Variants in UGT2B4 observed in about 807,000 individuals in gnomAD.
The protein encoded by UGT2B4 is UDP glucuronosyltransferase family 2 member B4.
In UGT2B4, 49 loss-of-function variants were observed where a neutral mutation model predicts 49.8. The ratio of observed to expected loss-of-function variants is 0.98; its 90% CI spans 0.78 to 1.25. UGT2B4 has a LOEUF of 1.25. Among genes scored for constraint, UGT2B4 ranks in the 50% most tolerant of loss-of-function variants. The pLI, the probability that UGT2B4 is intolerant of heterozygous loss-of-function variation, is 0.00. For synonymous variants in UGT2B4, 246 were observed against 217.7 expected (o/e 1.13, Z -1.14); for missense variants, 729 against 627.7 (o/e 1.16, Z -1.73).
At chr4:69,498,566 A>G (rs1560437670), upstream of UGT2B4, among the ~76,000 whole-genome samples, 1 of 148,582 alleles carries the variant, frequency 6.7e-6, no homozygotes, top group South Asian at 2.1e-4. Context: ...AGAACTTGTT[A>G]TAGGTCTCAT....
chr4:69,484,425 A>G (rs1727702584), intron 5 of UGT2B4, among the ~76,000 whole-genome samples: 1 of 152,346 alleles, frequency 6.6e-6, no homozygotes, highest in East Asian at 1.9e-4. Flanking sequence ...TACCCATATT[A>G]TAAAATATAT....
At chr4:69,500,480 AAAAG>A (rs1218418870), upstream of UGT2B4, among the ~76,000 whole-genome samples, 2 of 149,802 alleles carry the variant, frequency 1.3e-5, no homozygotes, top group Admixed American at 1.3e-4. Context: ...AGAAAGGAAG[AAAAG>A]AAAGAAAGCA....
rs188861931 is a variant in UGT2B4, at chr4:69,486,638, T to C, written c.1061A>G (p.Tyr354Cys). The change falls in exon 4 of 6, where the codon TAC (tyrosine) becomes TGC (cysteine). Residue 354 changes from tyrosine to cysteine, a missense_variant. Transcript: ENST00000305107. ...PDTLGLNTRL[Y>C]KWIPQNDLLG... ...AAGATCATTCTGGGGTATCCACTTG[T>C]ACAGCCGAGTATTGAGTCCTAAAGT... 3.3e-5 allele frequency: 53 copies of C among 1,608,104 alleles called. No individual in the cohort carries two copies. Among genetic ancestry groups the C allele is most frequent in the African/African-American group, 6.7e-5 (5 of 74,664 alleles).
upstream of UGT2B4, among the ~76,000 whole-genome samples, chr4:69,500,012 T>C (rs1728259750): frequency 6.6e-6 from 1 of 152,196 alleles, no homozygotes; most frequent in African/African-American, 2.4e-5. Flanking sequence ...CCATCAATGA[T>C]AGACTGGATA....
In UGT2B4 at chr4:69,480,770, G is replaced by T. The variant is rs1488737253; in HGVS notation, c.1451C>A (p.Thr484Asn). 2 of 1,614,030 alleles carry T rather than the reference G, an allele frequency of 1.2e-6. No homozygotes were observed. The highest frequency in any genetic ancestry group is 4.5e-5 in the East Asian group (2 of 44,876). ...KHLRVAAHDL[T>N]WFQYHSLDVT... ...ATCCAAAGAGTGGTACTGGAACCAG[G>T]TGAGGTCGTGGGCTGCAACCCGAAG... The change falls in exon 6 of 6, where the codon ACC becomes AAC. Residue 484 changes from threonine to asparagine, a missense_variant. Transcript: ENST00000305107.
intron 1 of UGT2B4, among the ~76,000 whole-genome samples, chr4:69,524,595 ATT>A (rs1728929700): frequency 6.6e-6 from 1 of 152,154 alleles, no homozygotes; most frequent in Non-Finnish European, 1.5e-5. Context: ...CTTTATGAAA[ATT>A]AGCAAAATGT....
At position 69,485,424 on chromosome 4, in the gene UGT2B4, T is replaced by C. The variant is rs754063772; in HGVS notation, c.1094A>G (p.His365Arg). 4 of 1,613,566 alleles carry C rather than the reference T, an allele frequency of 2.5e-6. No individual in the cohort carries two copies. Among genetic ancestry groups the C allele is most frequent in the Admixed American group, 1.7e-5 (1 of 59,942 alleles). Residue 365 changes from histidine (H) to arginine (R), a missense_variant, in exon 5 of 6, where the codon CAC (histidine) becomes CGC (arginine). Coordinates refer to ENST00000305107, the MANE Select transcript of UGT2B4 (RefSeq NM_021139.3). ...AGTTATAAAAGCTCTGGTTTTTGGG[T>C]GACCTAGGATTGGATGAATTTTAGC... ...KWIPQNDLLGHPKTRAFITHG... is the reference protein window; with the variant it reads ...KWIPQNDLLGRPKTRAFITHG...
chr4:69,490,112 T>C (rs1483874565), intron 2 of UGT2B4, among the ~76,000 whole-genome samples: 1 of 152,118 alleles, frequency 6.6e-6, no homozygotes, highest in Non-Finnish European at 1.5e-5. Context: ...TTAAAGTTTG[T>C]CAGAGTTTTC....
intron 4 of UGT2B4, among the ~76,000 whole-genome samples, chr4:69,485,918 G>T (rs574375791): frequency 6.6e-6 from 1 of 152,074 alleles, no homozygotes; most frequent in East Asian, 1.9e-4. Context: ...AAACAGCCAT[G>T]CCCAGTTAAT....
At chr4:69,499,039 T>C (rs896777050), upstream of UGT2B4, among the ~76,000 whole-genome samples, 2 of 152,280 alleles carry the variant, frequency 1.3e-5, no homozygotes, top group East Asian at 3.9e-4. Flanking sequence ...TTTAGCCGCA[T>C]CTCAGAGATT....
intron 1 of UGT2B4, among the ~76,000 whole-genome samples, chr4:69,507,814 C>T (rs566007110): frequency 8.8e-4 from 134 of 152,088 alleles, no homozygotes; most frequent in African/African-American, 3.0e-3. Flanking sequence ...TATTTCATGA[C>T]GAAACTCCAA....
rs569273279 is a variant in UGT2B4 at position 69,517,737 on chromosome 4, G to A, written c.-106+7950C>T. On this transcript the variant is annotated intron_variant, in intron 1 of 1. Coordinates refer to the UGT2B4 transcript ENST00000510114. ...AAAAGTTAAAATCGTGGAGCCACAAGTTAAAAAAGATGGACAGCATTGTAT... is the reference window on the plus strand; with the variant it reads ...AAAAGTTAAAATCGTGGAGCCACAAATTAAAAAAGATGGACAGCATTGTAT... 3 of 163,968 alleles carry A rather than the reference G, an allele frequency of 1.8e-5. No homozygotes were observed. The East Asian group carries it at 5.8e-4, about 32-fold the overall frequency. 10.2% of individuals were successfully genotyped at this position (163,968 alleles called of 1,614,324 possible).
chr4:69,506,916 C>T (rs900336176), intron 1 of UGT2B4, among the ~76,000 whole-genome samples: 7 of 152,146 alleles, frequency 4.6e-5, no homozygotes, highest in Non-Finnish European at 1.0e-4. Flanking sequence ...AAGGTTGACT[C>T]AGCCTACGGA....
intron 5 of UGT2B4, 74 bp downstream of exon 5, chr4:69,485,134 A>G: frequency 6.6e-7 from 1 of 1,523,580 alleles, no homozygotes; most frequent in Non-Finnish European, 9.0e-7. Flanking sequence ...TATAAAAAGG[A>G]TAAAAGTCAT....
upstream of UGT2B4, among the ~76,000 whole-genome samples, chr4:69,500,423 AC>A (rs1308436502): frequency 6.6e-6 from 1 of 151,836 alleles, no homozygotes; most frequent in African/African-American, 2.4e-5. Context: ...AAGAACAACA[AC>A]AAAAATAAAT....
chr4:69,486,461 C>A, intron 4 of UGT2B4, 148 bp downstream of exon 4: 2 of 445,684 alleles, frequency 4.5e-6, no homozygotes, highest in Non-Finnish European at 7.5e-6. Context: ...ATTCTTTTCC[C>A]CCGGGACTGG....
In UGT2B4 at chr4:69,507,178, C is replaced by T. The variant is rs115747606; in HGVS notation, c.-105-11212G>A. On this transcript the variant is annotated intron_variant, in intron 1 of 1. Coordinates refer to the UGT2B4 transcript ENST00000510114. ...GAAAACCTCCACAAGACAAGGATGC[C>T]CTCTCACCACTCCTAATCAACATAG... Among the ~76,000 whole-genome samples the T allele has an allele frequency of 7.8e-3, 1,191 of 152,188 alleles. 10 individuals carry two copies. The highest frequency in any genetic ancestry group is 0.012 in the Admixed American group (188 of 15,282).
At chr4:69,522,501 G>A (rs922116907) in intron 1 of UGT2B4, among the ~76,000 whole-genome samples, 1 of 152,156 alleles carries the variant, frequency 6.6e-6, no homozygotes, top group Non-Finnish European at 1.5e-5. Flanking sequence ...GTATTAGAGA[G>A]TCTATTAAGT....
At chr4:69,500,661 GA>G (rs1560438429), upstream of UGT2B4, among the ~76,000 whole-genome samples, 3 of 117,642 alleles carry the variant, frequency 2.6e-5, no homozygotes, top group African/African-American at 7.9e-5. Flanking sequence ...AAGAAAGAAA[GA>G]AAGAAAGGAA....
Sources: gnomAD v4.1 joint callset for allele counts (sites outside exome capture counted in the v4.1 genomes callset) on GRCh38, gnomAD v4.1.1 for gene constraint, MANE v1.5 for transcripts, NCBI Gene and HGNC (gene_info 2026-07-23, HGNC 2026-07-21) for gene names.